KIF27: variants seen among roughly 807,000 people sequenced by gnomAD.
KIF27 encodes the protein kinesin family member 27.
KIF27 carries 84 observed loss-of-function variants against 141.8 expected under a neutral mutation model. The observed-to-expected ratio is 0.59, with a 90% CI of 0.50 to 0.71. The LOEUF is 0.71. KIF27 is among the 30% of genes least tolerant of loss of function. The pLI is 0.00. For missense variants in KIF27, 1,306 were observed against 1,628.4 expected, an observed-to-expected ratio of 0.80 and a Z score of 3.41; for synonymous variants, 471 against 569.5, an observed-to-expected ratio of 0.83 and a Z score of 2.46.
At chr9:83,851,562 C>G (rs1464010375) in intron 15 of KIF27, among the ~76,000 whole-genome samples, 1 of 152,238 alleles carries the variant, frequency 6.6e-6, no homozygotes, top group East Asian at 1.9e-4. Flanking sequence ...CACTATGTTG[C>G]CCAAGCTGGT....
chr9:83,860,522 T>C (rs537202098), intron 13 of KIF27, among the ~76,000 whole-genome samples: 4 of 152,338 alleles, frequency 2.6e-5, no homozygotes, highest in African/African-American at 9.6e-5. Context: ...TATAACTTTG[T>C]TATTCATAGG....
chr9:83,885,954 T>A (rs1588164211), intron 9 of KIF27, among the ~76,000 whole-genome samples: 1 of 150,246 alleles, frequency 6.7e-6, no homozygotes, highest in Admixed American at 6.6e-5. Context: ...GTGTTGTTTT[T>A]TTTTTTTGAC....
chr9:83,841,738 A>G (rs1358285420), intron 17 of KIF27, among the ~76,000 whole-genome samples: 6 of 152,148 alleles, frequency 3.9e-5, no homozygotes, highest in Non-Finnish European at 8.8e-5. Context: ...TTCATTTAGG[A>G]ATGCACTAAA....
chr9:83,857,456 G>A (rs1949363578), intron 14 of KIF27, among the ~76,000 whole-genome samples: 1 of 152,136 alleles, frequency 6.6e-6, no homozygotes, highest in South Asian at 2.1e-4. Context: ...GCTCATGTGA[G>A]TAAGTAGAAC....
At chr9:83,869,226 C>T (rs1324383560) in intron 12 of KIF27, among the ~76,000 whole-genome samples, 4 of 151,926 alleles carry the variant, frequency 2.6e-5, no homozygotes, top group Non-Finnish European at 5.9e-5. Context: ...ATAAATCTTT[C>T]TAAAGTAAGG....
chr9:83,872,171 A>G (rs541684082), intron 11 of KIF27, among the ~76,000 whole-genome samples: 3 of 151,896 alleles, frequency 2.0e-5, no homozygotes, highest in African/African-American at 4.8e-5. Flanking sequence ...TAAAAATACA[A>G]AAATTAGCCG....
At chr9:83,844,866 CAAGA>C (rs1337100186) in intron 16 of KIF27, among the ~76,000 whole-genome samples, 4 of 152,188 alleles carry the variant, frequency 2.6e-5, no homozygotes, top group Non-Finnish European at 5.9e-5. Context: ...TTCCTACAAC[CAAGA>C]AAGAGGCACA....
At chr9:83,881,941 C>T (rs2132223302) in intron 10 of KIF27, among the ~76,000 whole-genome samples, 1 of 152,252 alleles carries the variant, frequency 6.6e-6, no homozygotes, top group East Asian at 1.9e-4. Context: ...CAGCATGTAA[C>T]GCTCTACATA....
At chr9:83,892,014 G>C (rs1284116335) in intron 5 of KIF27, among the ~76,000 whole-genome samples, 1 of 152,152 alleles carries the variant, frequency 6.6e-6, no homozygotes, top group Non-Finnish European at 1.5e-5. Flanking sequence ...TGAGAGGAAG[G>C]AGAACTTGGA....
intron 11 of KIF27, among the ~76,000 whole-genome samples, chr9:83,873,031 G>A (rs1296687486): frequency 6.6e-6 from 1 of 152,194 alleles, no homozygotes; most frequent in East Asian, 1.9e-4. Flanking sequence ...TGGGGAACTG[G>A]CTCCCAAACT....
chr9:83,891,051 T>A (rs1272305318), intron 6 of KIF27, among the ~76,000 whole-genome samples: 1 of 152,208 alleles, frequency 6.6e-6, no homozygotes. Flanking sequence ...AAAGGATACC[T>A]TTTTCACATT....
chr9:83,884,869 A>G (rs1021213415), intron 9 of KIF27, among the ~76,000 whole-genome samples: 3 of 152,224 alleles, frequency 2.0e-5, no homozygotes, highest in African/African-American at 7.2e-5. Context: ...AACTTATTCA[A>G]GATTAATTCC....
chr9:83,900,172 G>T (rs1227519693), intron 4 of KIF27, among the ~76,000 whole-genome samples: 3 of 151,628 alleles, frequency 2.0e-5, no homozygotes, highest in African/African-American at 7.3e-5. Flanking sequence ...TGACATATAG[G>T]GTTATAAGAA....
chr9:83,908,712 C>A, intron 2 of KIF27, 60 bp from the exon 3 acceptor site: 1 of 1,015,466 alleles, frequency 9.8e-7, no homozygotes, highest in Non-Finnish European at 1.4e-6. Flanking sequence ...AGCTACAACC[C>A]CAAATTTATA....
At chr9:83,884,250 G>T (rs1951908284) in intron 9 of KIF27, among the ~76,000 whole-genome samples, 1 of 152,044 alleles carries the variant, frequency 6.6e-6, no homozygotes, top group African/African-American at 2.4e-5. Context: ...AGTCTCACTG[G>T]TTCAATGTTT....
rs1460419909 is a variant in KIF27 at position 83,880,545 on chromosome 9, C to T, written c.2446-51G>A. 3.9e-6 allele frequency: 5 copies of T among 1,272,074 alleles called. No homozygotes were observed. The African/African-American group carries it at 4.4e-5, about 11-fold the overall frequency. 78.8% of individuals were successfully genotyped at this position (1,272,074 alleles called of 1,614,324 possible). The stretch of plus-strand genomic sequence containing the variant: ...ATGAAAAACTGAATCTCTCACAATC[C>T]TCAACTAAACTTAATCTTTTCATTT... On this transcript the variant is annotated intron_variant, in intron 10 of 17. Coordinates refer to ENST00000297814, the MANE Select transcript of KIF27 (RefSeq NM_017576.4).
intron 5 of KIF27, among the ~76,000 whole-genome samples, chr9:83,894,529 T>C (rs1455045789): frequency 1.3e-5 from 2 of 152,238 alleles, no homozygotes; most frequent in East Asian, 3.8e-4. Context: ...GTACACCTGC[T>C]TTCCTTGTAG....
intron 16 of KIF27, among the ~76,000 whole-genome samples, chr9:83,845,181 C>T (rs1436490859): frequency 7.9e-5 from 12 of 152,148 alleles, no homozygotes; most frequent in East Asian, 7.7e-4. Flanking sequence ...AGCAAGGCCC[C>T]GCCATCTTCT....
At position 83,886,966 on chromosome 9, in the gene KIF27, G is replaced by A. The variant is rs534778119; in HGVS notation, c.2239+75C>T. 2.3e-5 allele frequency: 33 copies of A among 1,438,270 alleles called. No individual in the cohort carries two copies. The African/African-American group carries it at 4.3e-4, about 19-fold the overall frequency. 89.1% of individuals were successfully genotyped at this position (1,438,270 alleles called of 1,614,324 possible). A position where few individuals can be genotyped will look rare whatever the true frequency, so the allele number is the denominator to read the frequency against. On this transcript the variant is annotated intron_variant, in intron 9 of 17. Transcript: ENST00000297814. ...ATAGACCTGAGCTTCAAAAACTAAA[G>A]TAACTGTTACCACATCAGAAGCAAT...
Sources: allele counts gnomAD v4.1 joint callset (sites outside exome capture counted in the v4.1 genomes callset), GRCh38; gene constraint gnomAD v4.1.1; transcripts MANE v1.5; gene names NCBI Gene and HGNC (gene_info 2026-07-23, HGNC 2026-07-21).